Variants in TAF3 observed in about 807,000 individuals in gnomAD.
TAF3 encodes transcription initiation factor TFIID subunit 3.
Under a neutral mutation model 80.6 loss-of-function variants are expected in TAF3, and 7 were observed. That is an observed-to-expected ratio of 0.09 (90% confidence interval 0.05 to 0.16). TAF3 has a LOEUF of 0.16. TAF3 is among the 10% of genes least tolerant of loss of function. TAF3 has a pLI of 1.00. For missense variants in TAF3, 921 were observed against 1,140.2 expected (o/e 0.81, Z 2.77); for synonymous variants, 444 against 446.1 (o/e 1.00, Z 0.06).
intron 2 of TAF3, among the ~76,000 whole-genome samples, chr10:7,955,004 A>G (rs531216029): frequency 1.1e-4 from 16 of 151,960 alleles, no homozygotes; most frequent in African/African-American, 3.9e-4. Context: ...CCATAGGTGA[A>G]TGAATGAATT....
intron 2 of TAF3, among the ~76,000 whole-genome samples, chr10:7,843,951 G>A (rs1836944357): frequency 6.6e-6 from 1 of 152,042 alleles, no homozygotes; most frequent in Non-Finnish European, 1.5e-5. Flanking sequence ...TCAGTAGGTG[G>A]CACTCTTTCA....
chr10:7,980,188 G>A (rs920402398), intron 4 of TAF3, among the ~76,000 whole-genome samples: 1 of 152,084 alleles, frequency 6.6e-6, no homozygotes, highest in Non-Finnish European at 1.5e-5. Flanking sequence ...ATAGTCCAGG[G>A]GGGTATTTAT....
intron 2 of TAF3, among the ~76,000 whole-genome samples, chr10:7,920,032 G>A (rs1172644916): frequency 6.6e-6 from 1 of 152,016 alleles, no homozygotes; most frequent in Non-Finnish European, 1.5e-5. Context: ...AATCACTTGA[G>A]CGCAGGAGTT....
chr10:7,913,694 A>G (rs1837678690), intron 2 of TAF3, among the ~76,000 whole-genome samples: 1 of 152,204 alleles, frequency 6.6e-6, no homozygotes, highest in South Asian at 2.1e-4. Context: ...CTCTGCTTAC[A>G]TCAACCCATT....
At chr10:7,847,072 C>T (rs909732032) in intron 2 of TAF3, among the ~76,000 whole-genome samples, 2 of 152,128 alleles carry the variant, frequency 1.3e-5, no homozygotes, top group African/African-American at 4.8e-5. Flanking sequence ...TGACATGTTT[C>T]ACAGTTATTA....
chr10:7,830,409 G>A (rs1269326247), intron 2 of TAF3, among the ~76,000 whole-genome samples: 1 of 135,868 alleles, frequency 7.4e-6, no homozygotes, highest in Admixed American at 8.1e-5. Flanking sequence ...TCAGCCAAAT[G>A]CGTATCCCTA....
chr10:7,915,329 A>G lies in TAF3; in HGVS notation c.410-48591A>G, dbSNP rs574275763. Among the ~76,000 whole-genome samples, 9 of 150,550 alleles carry G rather than the reference A, an allele frequency of 6.0e-5. No homozygotes were observed. The East Asian group carries it at 1.6e-3, about 27-fold the overall frequency. On this transcript the variant is annotated intron_variant, in intron 2 of 6. Transcript: ENST00000344293. ...AGGGGCGAAGTCTCACTTACAGTATAGGTGAGGGCTTTTTAGGCTCCTAAA... is the reference window on the plus strand; with the variant it reads ...AGGGGCGAAGTCTCACTTACAGTATGGGTGAGGGCTTTTTAGGCTCCTAAA...
At chr10:7,894,978 C>T (rs1469099112) in intron 2 of TAF3, among the ~76,000 whole-genome samples, 1 of 152,144 alleles carries the variant, frequency 6.6e-6, no homozygotes, top group African/African-American at 2.4e-5. Context: ...TGGGTTCAAA[C>T]AATTCACCTG....
At chr10:7,919,206 A>C (rs1837740758) in intron 2 of TAF3, among the ~76,000 whole-genome samples, 2 of 152,326 alleles carry the variant, frequency 1.3e-5, no homozygotes, top group African/African-American at 4.8e-5. Context: ...CTTCTGGCTA[A>C]GGTAATGGGG....
chr10:7,934,559 C>T (rs1222857640), intron 2 of TAF3, among the ~76,000 whole-genome samples: 1 of 152,136 alleles, frequency 6.6e-6, no homozygotes, highest in East Asian at 1.9e-4. Context: ...ATTCTCCTGC[C>T]TCAGCCTCCC....
intron 2 of TAF3, among the ~76,000 whole-genome samples, chr10:7,847,519 C>T (rs1836983528): frequency 6.6e-6 from 1 of 152,052 alleles, no homozygotes; most frequent in African/African-American, 2.4e-5. Context: ...GTCATAGCTC[C>T]CTGAAGCCCT....
intron 2 of TAF3, among the ~76,000 whole-genome samples, chr10:7,951,422 G>A (rs1452711273): frequency 1.3e-5 from 2 of 152,196 alleles, no homozygotes; most frequent in Non-Finnish European, 2.9e-5. Flanking sequence ...TTTGGCTGGG[G>A]CTCTGGGCCA....
chr10:7,907,326 C>T (rs1287093342), intron 2 of TAF3, among the ~76,000 whole-genome samples: 1 of 152,066 alleles, frequency 6.6e-6, no homozygotes, highest in East Asian at 1.9e-4. Flanking sequence ...TCCAGCATTG[C>T]CCAAAGTGTG....
rs1837598068 is a variant in TAF3 at position 7,905,339 on chromosome 10, C to T, written c.410-58581C>T. Among the ~76,000 whole-genome samples the T allele has an allele frequency of 2.0e-5, 3 of 152,146 alleles. 1 individual carries two copies. In the South Asian group the frequency reaches 6.2e-4, roughly 32 times the overall value. On this transcript the variant is annotated intron_variant, in intron 2 of 6. Coordinates refer to ENST00000344293, the MANE Select transcript of TAF3 (RefSeq NM_031923.4). ...TTTCAGGGGAAGCCAATGATTTTGA[C>T]ATTAGAGTTTTTCTTAATTTTAATT...
At chr10:7,991,403 AAC>A (rs369104059) in intron 4 of TAF3, among the ~76,000 whole-genome samples, 1,651 of 152,278 alleles carry the variant, frequency 0.011, 19 homozygotes, top group Middle Eastern at 0.031. Flanking sequence ...AGTATGGAAA[AAC>A]ACATTATTTT....
intron 4 of TAF3, among the ~76,000 whole-genome samples, chr10:7,984,966 G>A (rs1382557218): frequency 2.0e-5 from 3 of 152,156 alleles, no homozygotes; most frequent in East Asian, 1.9e-4. Flanking sequence ...AACATGGAAC[G>A]TTTCAATCCT....
rs1255961218 is a variant in TAF3 at position 8,011,084 on chromosome 10, G to A, written c.2568+1754G>A. ...ACACACAACGAAATATTTAAGGTGT[G>A]TGGAGCCATTGCCATTGCTGTGACT... On this transcript the variant is annotated intron_variant, in intron 5 of 6. Coordinates refer to ENST00000344293, the MANE Select transcript of TAF3 (RefSeq NM_031923.4). Among the ~76,000 whole-genome samples the A allele has an allele frequency of 3.3e-5, 5 of 152,166 alleles. No homozygotes were observed. In the East Asian group the frequency reaches 9.6e-4, roughly 29 times the overall value.
chr10:8,013,277 C>T (rs1832071189), intron 5 of TAF3, among the ~76,000 whole-genome samples: 1 of 152,174 alleles, frequency 6.6e-6, no homozygotes, highest in African/African-American at 2.4e-5. Flanking sequence ...GCACATTTGG[C>T]TGTCTATATT....
At chr10:7,863,300 A>G (rs535543245) in intron 2 of TAF3, among the ~76,000 whole-genome samples, 8 of 152,204 alleles carry the variant, frequency 5.3e-5, no homozygotes, top group African/African-American at 1.7e-4. Context: ...GATCTTCACA[A>G]TATTGAATTT....
Sources: gnomAD v4.1 joint callset for allele counts (sites outside exome capture counted in the v4.1 genomes callset) on GRCh38, gnomAD v4.1.1 for gene constraint, MANE v1.5 for transcripts, NCBI Gene and HGNC (gene_info 2026-07-23, HGNC 2026-07-21) for gene names.